UMODL1: variants seen among roughly 807,000 people sequenced by gnomAD.
UMODL1 encodes the protein uromodulin-like 1.
UMODL1 carries 128 observed loss-of-function variants against 136.3 expected under a neutral mutation model. The ratio of observed to expected loss-of-function variants is 0.94; its 90% CI spans 0.81 to 1.09. The LOEUF (loss-of-function observed/expected upper bound fraction) is 1.09. Ranked by LOEUF, UMODL1 falls within the 50% of genes least tolerant of loss-of-function variation. UMODL1 has a pLI of 0.00. For missense variants in UMODL1, 1,766 were observed against 1,725.6 expected (o/e 1.02, Z -0.41); for synonymous variants, 721 against 720.0 (o/e 1.00, Z -0.02).
At chr21:42,083,414 T>G (rs951751213) in intron 2 of UMODL1, among the ~76,000 whole-genome samples, 1 of 152,166 alleles carries the variant, frequency 6.6e-6, no homozygotes, top group Non-Finnish European at 1.5e-5. Context: ...CAGGGACCCA[T>G]GCTGCACTCA....
intron 6 of UMODL1, among the ~76,000 whole-genome samples, chr21:42,098,525 T>G (rs2066585330): frequency 6.6e-6 from 1 of 151,684 alleles, no homozygotes; most frequent in Non-Finnish European, 1.5e-5. Flanking sequence ...TCCCAGCACT[T>G]TGGGAGGCTG....
intron 14 of UMODL1, among the ~76,000 whole-genome samples, chr21:42,118,065 T>C (rs956329314): frequency 1.3e-5 from 2 of 152,200 alleles, no homozygotes; most frequent in African/African-American, 4.8e-5. Flanking sequence ...TCAGGAGGTG[T>C]TGGCTGCATG....
Position 42,104,592 on chromosome 21 carries a change from G to GAA in UMODL1, c.1519+505_1519+506insAA, listed in dbSNP as rs1159879373. On this transcript the variant is annotated intron_variant, in intron 9 of 22. Transcript: ENST00000408910. The stretch of plus-strand genomic sequence containing the variant: ...AGCTTCTCCAGTAGCTGGGATTATA[G>GAA]GCGCCTGCCACCACGCCTGGCTAAT... Among the ~76,000 whole-genome samples the GAA allele has an allele frequency of 5.1e-4, 78 of 152,142 alleles. 1 individual carries two copies. Among genetic ancestry groups the GAA allele is most frequent in the African/African-American group, 1.8e-3 (73 of 41,498 alleles).
intron 22 of UMODL1, among the ~76,000 whole-genome samples, chr21:42,139,116 C>T (rs981641043): frequency 3.3e-5 from 5 of 151,970 alleles, no homozygotes; most frequent in Non-Finnish European, 5.9e-5. Flanking sequence ...TGCAGTGAGC[C>T]GAGACTGCCC....
At chr21:42,082,770 G>A (rs1401402501) in intron 2 of UMODL1, among the ~76,000 whole-genome samples, 2 of 152,172 alleles carry the variant, frequency 1.3e-5, no homozygotes, top group Non-Finnish European at 2.9e-5. Flanking sequence ...TCGGGCACAC[G>A]CTCTGCTGTC....
upstream of UMODL1, among the ~76,000 whole-genome samples, chr21:42,067,675 C>T (rs979708299): frequency 6.6e-6 from 1 of 152,198 alleles, no homozygotes; most frequent in South Asian, 2.1e-4. Context: ...TGCTGTGTTA[C>T]GGAAGCACCT....
At chr21:42,081,135 A>G (rs2066356371) in intron 2 of UMODL1, among the ~76,000 whole-genome samples, 1 of 152,196 alleles carries the variant, frequency 6.6e-6, no homozygotes, top group Non-Finnish European at 1.5e-5. Flanking sequence ...CAGCCTCGTT[A>G]GGCAAGTCCA....
intron 22 of UMODL1, among the ~76,000 whole-genome samples, chr21:42,139,762 C>CT (rs2067254184): frequency 1.3e-5 from 2 of 152,132 alleles, no homozygotes; most frequent in Non-Finnish European, 2.9e-5. Context: ...CCTCGTAACT[C>CT]TATCTAGGGA....
At chr21:42,073,908 G>A (rs2066259045) in intron 1 of UMODL1, among the ~76,000 whole-genome samples, 1 of 152,306 alleles carries the variant, frequency 6.6e-6, no homozygotes, top group South Asian at 2.1e-4. Context: ...GAGCTCAGGG[G>A]TTGAGTGTCT....
In UMODL1 at chr21:42,085,326, G is replaced by A. The variant is rs73371577; in HGVS notation, c.517G>A (p.Val173Ile). 47,248 of 1,613,992 alleles carry A rather than the reference G, an allele frequency of 0.029. 1,294 individuals carry two copies. The highest frequency in any genetic ancestry group is 0.16 in the East Asian group (7,003 of 44,858). Reference sequence around the variant, plus strand: ...GGACCCTGTGGGCTCCTGGTACAACGTCACCATACTGGTGAAAATGGACTT... The same window carrying A: ...GGACCCTGTGGGCTCCTGGTACAACATCACCATACTGGTGAAAATGGACTT... Reference protein sequence around the residue: ...ERDPVGSWYNVTILVKMDFKE... With the variant: ...ERDPVGSWYNITILVKMDFKE... Residue 173 changes from valine (V) to isoleucine (I), a missense_variant, in exon 4 of 23, where the codon GTC becomes ATC. Coordinates refer to ENST00000408910, the MANE Select transcript of UMODL1 (RefSeq NM_001004416.3). This position sits in a 1 kb window ranked among gnomAD's most constrained non-coding sequence, Gnocchi z 4.5.
At chr21:42,134,274 CG>C (rs2067173701) in intron 21 of UMODL1, among the ~76,000 whole-genome samples, 1 of 152,230 alleles carries the variant, frequency 6.6e-6, no homozygotes, top group Non-Finnish European at 1.5e-5. Context: ...AGAATCCATT[CG>C]GGCATCTTCC....
intron 2 of UMODL1, among the ~76,000 whole-genome samples, chr21:42,082,787 C>G (rs1363703041): frequency 6.6e-6 from 1 of 152,206 alleles, no homozygotes; most frequent in Non-Finnish European, 1.5e-5. Flanking sequence ...TGTCTCCTGA[C>G]CCCTGGGGTT....
chr21:42,071,316 G>C (rs771312275), upstream of UMODL1: 1 of 1,581,060 alleles, frequency 6.3e-7, no homozygotes, highest in Non-Finnish European at 8.6e-7. Context: ...ACTGCCGGAC[G>C]ATGCTCAGGA....
chr21:42,129,939 A>AC, intron 21 of UMODL1, 142 bp downstream of exon 21: 6 of 616,458 alleles, frequency 9.7e-6, no homozygotes, highest in Non-Finnish European at 1.6e-5. Flanking sequence ...AGAAATACTC[A>AC]TAGTTAGTAT....
At chr21:42,118,630 A>T (rs1406182306) in intron 14 of UMODL1, among the ~76,000 whole-genome samples, 1 of 152,156 alleles carries the variant, frequency 6.6e-6, no homozygotes, top group Non-Finnish European at 1.5e-5. Flanking sequence ...GTAGGGAGGA[A>T]GAATGAAAGG....
At chr21:42,091,682 G>A (rs922152967) in intron 6 of UMODL1, among the ~76,000 whole-genome samples, 1 of 152,352 alleles carries the variant, frequency 6.6e-6, no homozygotes. Context: ...GGAGTAGAAG[G>A]TGTTTCCATT....
intron 5 of UMODL1, 86 bp downstream of exon 5, chr21:42,088,566 C>A: frequency 7.4e-7 from 1 of 1,347,536 alleles, no homozygotes; most frequent in Non-Finnish European, 1.0e-6. Context: ...TAAAGCCAGA[C>A]CAGTCCTTTG....
intron 22 of UMODL1, among the ~76,000 whole-genome samples, chr21:42,141,052 T>A (rs1196513532): frequency 6.6e-6 from 1 of 152,216 alleles, no homozygotes; most frequent in Non-Finnish European, 1.5e-5. Context: ...GTCTTCCCTG[T>A]GCTCAGGTCC....
chr21:42,121,204 A>G lies in UMODL1; in HGVS notation c.2807A>G (p.Tyr936Cys), dbSNP rs1952990412. The G allele has an allele frequency of 1.2e-6, 2 of 1,613,646 alleles. No homozygotes were observed. The highest frequency in any genetic ancestry group is 1.7e-6 in the Non-Finnish European group (2 of 1,179,772). ...EGGAPDFPVE[Y>C]SERPCEGDSP... ...GGAGCCCCCGACTTCCCTGTGGAAT[A>G]TTCTGAGAGACCCTGTGAAGGTAAT... The change falls in exon 16 of 23, where the codon TAT becomes TGT. Residue 936 changes from tyrosine to cysteine, a missense_variant. Transcript: ENST00000408910.
Sources: gnomAD v4.1 joint callset for allele counts (sites outside exome capture counted in the v4.1 genomes callset) on GRCh38, gnomAD v4.1.1 for gene constraint, Gnocchi (gnomAD v3.1) non-coding constraint, MANE v1.5 for transcripts, NCBI Gene and HGNC (gene_info 2026-07-23, HGNC 2026-07-21) for gene names.